The following NECTIN3 variants were observed in gnomAD, a reference collection of about 807,000 sequenced individuals.
NECTIN3 encodes the protein nectin-3.
NECTIN3 carries 8 observed loss-of-function variants against 49.4 expected under a neutral mutation model. The observed-to-expected ratio is 0.16, with a 90% confidence interval of 0.10 to 0.29. The LOEUF is 0.29. Among genes scored for constraint, NECTIN3 ranks in the 10% least tolerant of loss-of-function variants. NECTIN3 has a pLI of 1.00. For synonymous variants in NECTIN3, 277 were observed against 241.1 expected (o/e 1.15, Z -1.38); for missense variants, 581 against 654.6 (o/e 0.89, Z 1.23).
intron 1 of NECTIN3, among the ~76,000 whole-genome samples, chr3:111,083,853 A>G (rs541603128): frequency 3.8e-4 from 58 of 152,322 alleles, no homozygotes; most frequent in Non-Finnish European, 6.0e-4. Flanking sequence ...TGGACGCTGG[A>G]TGATATAGCC....
At chr3:111,082,585 T>A (rs893306978) in intron 1 of NECTIN3, among the ~76,000 whole-genome samples, 6 of 152,138 alleles carry the variant, frequency 3.9e-5, no homozygotes, top group Non-Finnish European at 8.8e-5. Context: ...GTAATTTTAG[T>A]AAAAGTGGTT....
chr3:111,126,316 A>G lies in NECTIN3; in HGVS notation c.1050A>G (p.Gln350=), dbSNP rs370802857. 14 of 1,606,312 alleles carry G rather than the reference A, an allele frequency of 8.7e-6. 1 individual carries two copies. Among genetic ancestry groups the G allele is most frequent in the South Asian group, 7.9e-5 (7 of 89,016 alleles). Residue 350 remains glutamine (Q), a synonymous_variant, in exon 5 of 6, where the codon CAA becomes CAG. Transcript: ENST00000485303. ...VTNSLGQRSD[Q]KVIYISDPPT... is the part of the protein sequence containing the mutation. Reference sequence around the variant, plus strand: ...ATTCCCTTGGTCAAAGAAGTGACCAAAAAGTCATCTACATTTCAGGTAAGT... The same window carrying G: ...ATTCCCTTGGTCAAAGAAGTGACCAGAAAGTCATCTACATTTCAGGTAAGT...
chr3:111,101,670 A>G (rs919186511), intron 1 of NECTIN3, among the ~76,000 whole-genome samples: 11 of 152,282 alleles, frequency 7.2e-5, no homozygotes, highest in African/African-American at 2.6e-4. Context: ...TCACTAGCTA[A>G]TTGTGGAAAT....
chr3:111,181,884 C>CT (rs2035632870), intron 7 of NECTIN3, among the ~76,000 whole-genome samples: 1 of 151,840 alleles, frequency 6.6e-6, no homozygotes, highest in Non-Finnish European at 1.5e-5. Context: ...ATTTTTCACT[C>CT]TTTTTTTCTA....
At chr3:111,098,632 T>G (rs2032727174) in intron 1 of NECTIN3, among the ~76,000 whole-genome samples, 1 of 152,240 alleles carries the variant, frequency 6.6e-6, no homozygotes, top group Non-Finnish European at 1.5e-5. Context: ...ACCTTTAACT[T>G]AATTACATCT....
intron 1 of NECTIN3, among the ~76,000 whole-genome samples, chr3:111,083,090 C>G (rs1276962624): frequency 6.6e-6 from 1 of 152,158 alleles, no homozygotes; most frequent in African/African-American, 2.4e-5. Context: ...TGAAGCTTCA[C>G]TTGCTTGCCC....
In NECTIN3 at chr3:111,134,321, G is replaced by T; in HGVS notation, c.*106G>T. The T allele has an allele frequency of 1.4e-6, 2 of 1,449,296 alleles. No homozygotes were observed. Among genetic ancestry groups the T allele is most frequent in the Admixed American group, 2.8e-5 (1 of 36,162 alleles). The allele number at this position is 1,449,296 out of a possible 1,614,324, so 89.8% of individuals were successfully genotyped here. A position where few individuals can be genotyped will look rare whatever the true frequency, so the allele number is the denominator to read the frequency against. On this transcript the variant is annotated 3_prime_UTR_variant, in exon 6 of 6. Coordinates refer to ENST00000485303, the MANE Select transcript of NECTIN3 (RefSeq NM_015480.3). ...GAGGAAGAATAAGCTTTTTCAAGTT[G>T]ATTTTCAAGCTTACTTTTTATATTC...
chr3:111,093,029 A>T (rs902486412), intron 1 of NECTIN3, among the ~76,000 whole-genome samples: 7 of 151,914 alleles, frequency 4.6e-5, no homozygotes, highest in Middle Eastern at 3.2e-3. Context: ...TCATTGTTAA[A>T]TTTTTTCATA....
intron 1 of NECTIN3, among the ~76,000 whole-genome samples, chr3:111,079,830 T>C (rs529047374): frequency 3.5e-4 from 53 of 151,934 alleles, no homozygotes; most frequent in African/African-American, 8.2e-4. Flanking sequence ...TGTCAACTTA[T>C]ATAGTAGCTT....
At chr3:111,171,435 T>G (rs1275482984) in intron 7 of NECTIN3, among the ~76,000 whole-genome samples, 1 of 152,204 alleles carries the variant, frequency 6.6e-6, no homozygotes, top group Non-Finnish European at 1.5e-5. Flanking sequence ...CATTTTAGGT[T>G]CATCAATGAA....
At chr3:111,082,483 G>A (rs994469193) in intron 1 of NECTIN3, among the ~76,000 whole-genome samples, 3 of 152,090 alleles carry the variant, frequency 2.0e-5, no homozygotes, top group South Asian at 2.1e-4. Context: ...ATAAGCTATC[G>A]GAGGGAGAGA....
Position 111,135,397 on chromosome 3 carries a change from G to T in NECTIN3, c.*1182G>T. 1 of 933,766 alleles carries T rather than the reference G, an allele frequency of 1.1e-6. No individual in the cohort carries two copies. The highest frequency in any genetic ancestry group is 1.3e-6 in the Non-Finnish European group (1 of 783,416). 57.8% of individuals were successfully genotyped at this position (933,766 alleles called of 1,614,324 possible). A position where few individuals can be genotyped will look rare whatever the true frequency, so the allele number is the denominator to read the frequency against. On this transcript the variant is annotated 3_prime_UTR_variant, in exon 6 of 6. Transcript: ENST00000485303. ...TGGAAACATGAGGTTTTTTGTTTTT[G>T]TTTTTTTACATAATTACATATATTC...
At chr3:111,152,825 C>T (rs1281832658) in intron 7 of NECTIN3, among the ~76,000 whole-genome samples, 1 of 151,910 alleles carries the variant, frequency 6.6e-6, no homozygotes, top group African/African-American at 2.4e-5. Flanking sequence ...TATTCAGTTA[C>T]AATCAGGCCA....
chr3:111,096,148 G>T (rs1393388861), intron 1 of NECTIN3, among the ~76,000 whole-genome samples: 3 of 152,190 alleles, frequency 2.0e-5, no homozygotes, highest in South Asian at 2.1e-4. Flanking sequence ...CCAGGCTGAG[G>T]TGGTCTCAGA....
chr3:111,112,224 G>A lies in NECTIN3; in HGVS notation c.355G>A (p.Gly119Arg). Reference sequence around the variant, plus strand: ...ATTCTCTGTTCAAGGAGAATATCAGGGAAGAGTCTTGTTTAAAAATTACTC... The same window carrying A: ...ATTCTCTGTTCAAGGAGAATATCAGAGAAGAGTCTTGTTTAAAAATTACTC... ...YGFSVQGEYQGRVLFKNYSLN... is the reference protein window; with the variant it reads ...YGFSVQGEYQRRVLFKNYSLN... Residue 119 changes from glycine (G) to arginine (R), a missense_variant, in exon 2 of 6, where the codon GGA (glycine) becomes AGA (arginine). Around this residue, in one of 3 missense-constraint regions of NECTIN3, gnomAD observed 234 missense variants for 340.6 expected, o/e 0.69. Transcript: ENST00000485303. 1 of 1,613,816 alleles carries A rather than the reference G, an allele frequency of 6.2e-7. No individual in the cohort carries two copies. The highest frequency in any genetic ancestry group is 8.5e-7 in the Non-Finnish European group (1 of 1,179,862).
chr3:111,129,429 G>C (rs2034295671), intron 5 of NECTIN3, among the ~76,000 whole-genome samples: 1 of 151,932 alleles, frequency 6.6e-6, no homozygotes, highest in African/African-American at 2.4e-5. Context: ...TTTAATTACT[G>C]CTATATTTCC....
At chr3:111,106,359 G>C (rs968276966) in intron 1 of NECTIN3, among the ~76,000 whole-genome samples, 2 of 152,150 alleles carry the variant, frequency 1.3e-5, no homozygotes, top group African/African-American at 4.8e-5. Context: ...TTAGAATATA[G>C]AAACCTTTAA....
intron 7 of NECTIN3, among the ~76,000 whole-genome samples, chr3:111,150,025 T>C (rs1285668242): frequency 6.6e-6 from 1 of 151,954 alleles, no homozygotes; most frequent in Non-Finnish European, 1.5e-5. Context: ...AAAACATATA[T>C]AGTATTTTGA....
chr3:111,193,450 T>C (rs948919305), intron 1 of NECTIN3: 1 of 1,426,338 alleles, frequency 7.0e-7, no homozygotes, highest in African/African-American at 1.4e-5. Flanking sequence ...CTAAGGCCAA[T>C]AGTTATTTTA....
Sources: gnomAD v4.1 joint callset for allele counts (sites outside exome capture counted in the v4.1 genomes callset) on GRCh38, gnomAD v4.1.1 for gene constraint, gnomAD v4.1.1 regional missense constraint, MANE v1.5 for transcripts, NCBI Gene and HGNC (gene_info 2026-07-23, HGNC 2026-07-21) for gene names.